Variants in FMN2 observed in about 807,000 individuals in gnomAD.
The protein encoded by FMN2 is formin 2.
A neutral mutation model predicts 142.3 loss-of-function variants in FMN2; 51 were observed. The observed-to-expected ratio is 0.36, with a 90% confidence interval of 0.29 to 0.45. The LOEUF (loss-of-function observed/expected upper bound fraction) is 0.45. Ranked by LOEUF, FMN2 falls within the 20% of genes least tolerant of loss-of-function variation. The pLI is 1.00. For missense variants in FMN2, 1,936 were observed against 2,122.8 expected (o/e 0.91, Z 1.73); for synonymous variants, 882 against 869.8 (o/e 1.01, Z -0.25).
At chr1:240,111,703 C>T (rs531746741) in intron 1 of FMN2, among the ~76,000 whole-genome samples, 1 of 152,252 alleles carries the variant, frequency 6.6e-6, no homozygotes, top group Non-Finnish European at 1.5e-5. Flanking sequence ...CCTACTCATC[C>T]TGTGACTAAG....
intron 2 of FMN2, among the ~76,000 whole-genome samples, chr1:240,133,625 C>G (rs917138486): frequency 6.6e-6 from 1 of 152,128 alleles, no homozygotes; most frequent in Non-Finnish European, 1.5e-5. Flanking sequence ...ATTGATTTTC[C>G]TAATTGTCCA....
intron 6 of FMN2, among the ~76,000 whole-genome samples, chr1:240,253,227 C>T (rs1253969458): frequency 1.3e-5 from 2 of 151,902 alleles, no homozygotes; most frequent in East Asian, 1.9e-4. Flanking sequence ...CCTCAGCCTC[C>T]CAAAGTGCTA....
At chr1:240,442,730 A>G (rs1224832115) in intron 16 of FMN2, among the ~76,000 whole-genome samples, 1 of 152,164 alleles carries the variant, frequency 6.6e-6, no homozygotes, top group Non-Finnish European at 1.5e-5. Flanking sequence ...TAATAACTCT[A>G]TTTTCTTGCT....
chr1:240,386,590 T>A (rs1347432293), intron 14 of FMN2, among the ~76,000 whole-genome samples: 1 of 151,982 alleles, frequency 6.6e-6, no homozygotes, highest in Non-Finnish European at 1.5e-5. Flanking sequence ...TGCGAAAGAG[T>A]CTGGAGCCAG....
At chr1:240,227,026 G>T (rs752732071) in intron 6 of FMN2, among the ~76,000 whole-genome samples, 9 of 152,040 alleles carry the variant, frequency 5.9e-5, no homozygotes, top group Non-Finnish European at 8.8e-5. Flanking sequence ...AGAAATAAAT[G>T]GTCTCCTGAT....
intron 2 of FMN2, among the ~76,000 whole-genome samples, chr1:240,159,992 C>CACACACACACACACAT (rs2103290471): frequency 6.8e-6 from 1 of 146,552 alleles, no homozygotes; most frequent in East Asian, 2.0e-4. Flanking sequence ...CACACACACA[C>CACACACACACACACAT]ACACACATAC....
chr1:240,401,713 CA>C (rs1430360661), intron 15 of FMN2, among the ~76,000 whole-genome samples: 1 of 152,184 alleles, frequency 6.6e-6, no homozygotes, highest in Non-Finnish European at 1.5e-5. Flanking sequence ...AATAACTGAA[CA>C]GCCTTTTCTG....
Position 240,438,183 on chromosome 1 carries a change from A to G in FMN2, c.5033A>G (p.Lys1678Arg). The change falls in exon 16 of 18, where the codon AAA (lysine) becomes AGA (arginine). Residue 1678 changes from lysine to arginine, a missense_variant. Around this residue, in one of 8 missense-constraint regions of FMN2, gnomAD observed 322 missense variants for 401.6 expected, o/e 0.80. Transcript: ENST00000319653. ...FSSDFKDFWK[K>R]ENKLLLQERV... is the part of the protein sequence containing the mutation. Reference sequence around the variant, plus strand: ...TCTGACTTTAAAGACTTCTGGAAGAAAGAGAACAAACTTCTTCTACAAGAG... The same window carrying G: ...TCTGACTTTAAAGACTTCTGGAAGAGAGAGAACAAACTTCTTCTACAAGAG... The G allele has an allele frequency of 1.2e-6, 2 of 1,613,794 alleles. No homozygotes were observed. The highest frequency in any genetic ancestry group is 1.7e-6 in the Non-Finnish European group (2 of 1,179,926).
At chr1:240,372,889 A>T (rs73126298) in intron 14 of FMN2, among the ~76,000 whole-genome samples, 69 of 152,344 alleles carry the variant, frequency 4.5e-4, no homozygotes, top group African/African-American at 1.6e-3. Context: ...AAATATATTT[A>T]AAAATGCTAA....
intron 2 of FMN2, among the ~76,000 whole-genome samples, chr1:240,146,665 CAATA>C (rs1334484529): frequency 6.6e-6 from 1 of 151,750 alleles, no homozygotes; most frequent in African/African-American, 2.4e-5. Context: ...GACTTTGTCT[CAATA>C]AATAAATAAA....
Position 240,357,631 on chromosome 1 carries a change from C to T in FMN2, c.4858+1723C>T, listed in dbSNP as rs111861119. 9.4e-3 allele frequency among the ~76,000 whole-genome samples: 1,312 copies of T among 139,630 alleles called. 27 individuals carry two copies. Among genetic ancestry groups the T allele is most frequent in the African/African-American group, 0.033 (1,207 of 36,066 alleles). The allele number at this position is 139,630 out of a possible 152,430, so 91.6% of individuals were successfully genotyped here. On this transcript the variant is annotated intron_variant, in intron 14 of 17. Coordinates refer to ENST00000319653, the MANE Select transcript of FMN2 (RefSeq NM_020066.5). ...ACGGGTTTTTTTTTTTTTTTTGAGA[C>T]GGAGTCTCGCACTGTTACCGGGCTG...
intron 13 of FMN2, 38 bp downstream of exon 13, chr1:240,334,267 CT>C (rs762872244): frequency 3.9e-6 from 6 of 1,540,618 alleles, no homozygotes; most frequent in Non-Finnish European, 1.7e-6. Context: ...TCTGTTTATG[CT>C]TTTTTAATGA....
At chr1:240,280,913 A>G (rs1407836124) in intron 7 of FMN2, among the ~76,000 whole-genome samples, 2 of 152,142 alleles carry the variant, frequency 1.3e-5, no homozygotes, top group Non-Finnish European at 2.9e-5. Flanking sequence ...ATGAAATACA[A>G]TATCGCTAGA....
At chr1:240,317,503 C>A (rs370983388) in intron 8 of FMN2, among the ~76,000 whole-genome samples, 1 of 152,022 alleles carries the variant, frequency 6.6e-6, no homozygotes, top group Non-Finnish European at 1.5e-5. Flanking sequence ...GGTATATAAC[C>A]TTTTAAGATT....
chr1:240,266,754 A>T (rs1193325665), intron 7 of FMN2, among the ~76,000 whole-genome samples: 3 of 152,064 alleles, frequency 2.0e-5, no homozygotes, highest in African/African-American at 7.2e-5. Context: ...AAAGACACAT[A>T]GACCTATGGA....
chr1:240,399,210 A>G (rs1008370202), intron 15 of FMN2, among the ~76,000 whole-genome samples: 8 of 152,196 alleles, frequency 5.3e-5, no homozygotes, highest in Non-Finnish European at 8.8e-5. Flanking sequence ...TTAAATGAGT[A>G]AAATATGTAT....
intron 6 of FMN2, among the ~76,000 whole-genome samples, chr1:240,243,011 G>A (rs1667963567): frequency 6.6e-6 from 1 of 152,252 alleles, no homozygotes; most frequent in East Asian, 1.9e-4. Flanking sequence ...CAGTGCCTTG[G>A]AATGCTGTTG....
At chr1:240,145,656 C>A (rs1005509972) in intron 2 of FMN2, among the ~76,000 whole-genome samples, 1 of 149,108 alleles carries the variant, frequency 6.7e-6, no homozygotes, top group Non-Finnish European at 1.5e-5. Context: ...ACCACAGGCA[C>A]GTACCACCAC....
chr1:240,367,585 G>A (rs6677133), intron 14 of FMN2, among the ~76,000 whole-genome samples: 27,973 of 151,516 alleles, frequency 0.18, 2,726 homozygotes, highest in African/African-American at 0.25. Context: ...TGGCTAACAC[G>A]GTGAAACCCC....
Sources: gnomAD v4.1 joint callset for allele counts (sites outside exome capture counted in the v4.1 genomes callset) on GRCh38, gnomAD v4.1.1 for gene constraint, gnomAD v4.1.1 regional missense constraint, MANE v1.5 for transcripts, NCBI Gene and HGNC (gene_info 2026-07-23, HGNC 2026-07-21) for gene names.